Variants in ABCB4 observed in about 807,000 individuals in gnomAD.
The protein encoded by ABCB4 is ATP binding cassette subfamily B member 4.
In ABCB4, 76 loss-of-function variants were observed where a neutral mutation model predicts 145.7. That is an observed-to-expected ratio of 0.52 (90% CI 0.43 to 0.63). The LOEUF is 0.63. Among genes scored for constraint, ABCB4 ranks in the 30% least tolerant of loss-of-function variants. The pLI is 0.00. For synonymous variants in ABCB4, 517 were observed against 566.8 expected, an observed-to-expected ratio of 0.91 and a Z score of 1.25; for missense variants, 1,234 against 1,553.1, an observed-to-expected ratio of 0.79 and a Z score of 3.45.
chr7:87,459,259 T>C (rs1305548314), intron 4 of ABCB4, among the ~76,000 whole-genome samples: 1 of 152,156 alleles, frequency 6.6e-6, no homozygotes, highest in African/African-American at 2.4e-5. Flanking sequence ...CTTTTTCAAC[T>C]TGCAAAATTG....
At chr7:87,424,171 A>T (rs1240960952) in intron 16 of ABCB4, 119 bp from the exon 17 acceptor site, 2 of 1,152,146 alleles carry the variant, frequency 1.7e-6, no homozygotes, top group African/African-American at 3.0e-5. Flanking sequence ...GCAGAGAATG[A>T]CAAGCAAACT....
Position 87,434,574 on chromosome 7 carries a change from C to T in ABCB4, c.1732-3009G>A, listed in dbSNP as rs45438194. Among the ~76,000 whole-genome samples the T allele has an allele frequency of 1.0e-3, 159 of 151,980 alleles. 4 individuals carry two copies. The East Asian group carries it at 0.028, about 27-fold the overall frequency. On this transcript the variant is annotated intron_variant, in intron 14 of 27. Coordinates refer to ENST00000649586, the MANE Select transcript of ABCB4 (RefSeq NM_000443.4). ...ACCATCCTGGCCAACATGGGGAAACCCCATCTCTACTAAAAATACAGAAAT... is the reference window on the plus strand; with the variant it reads ...ACCATCCTGGCCAACATGGGGAAACTCCATCTCTACTAAAAATACAGAAAT...
the ABCB4 span, among the ~76,000 whole-genome samples, chr7:87,385,614 T>C: frequency 6.6e-6 from 1 of 152,214 alleles, no homozygotes; most frequent in Admixed American, 6.5e-5. Flanking sequence ...TTAGATCATG[T>C]CATCTGCAGA....
intron 3 of ABCB4, among the ~76,000 whole-genome samples, chr7:87,469,944 C>G (rs1584797553): frequency 6.6e-6 from 1 of 152,230 alleles, no homozygotes; most frequent in African/African-American, 2.4e-5. Context: ...AAGCTGGAGG[C>G]ATCATGCTAC....
chr7:87,459,118 C>T (rs760475995), intron 4 of ABCB4, among the ~76,000 whole-genome samples: 9 of 152,090 alleles, frequency 5.9e-5, no homozygotes, highest in Non-Finnish European at 8.8e-5. Flanking sequence ...AATTGCATTG[C>T]TTTAATCTGA....
chr7:87,440,872 C>CT (rs1165319358), intron 12 of ABCB4, among the ~76,000 whole-genome samples: 1 of 152,150 alleles, frequency 6.6e-6, no homozygotes, highest in Admixed American at 6.6e-5. Flanking sequence ...TCGAGAGTAG[C>CT]TGGGACTACA....
chr7:87,375,771 CTT>C, the ABCB4 span: 6 of 1,612,158 alleles, frequency 3.7e-6, no homozygotes, highest in Middle Eastern at 1.6e-4. Flanking sequence ...CTAACAAACT[CTT>C]TTGATGTATT....
At chr7:87,416,197 C>A (rs957164993) in intron 21 of ABCB4, among the ~76,000 whole-genome samples, 1 of 152,208 alleles carries the variant, frequency 6.6e-6, no homozygotes, top group Non-Finnish European at 1.5e-5. Flanking sequence ...CATGCAGCGG[C>A]AGCTGATGCT....
chr7:87,454,410 C>A, intron 5 of ABCB4, 125 bp downstream of exon 5: 1 of 783,662 alleles, frequency 1.3e-6, no homozygotes. Context: ...GATTTGGGAG[C>A]AAAAATGATA....
the ABCB4 span, among the ~76,000 whole-genome samples, chr7:87,372,131 A>AT: frequency 6.6e-6 from 1 of 151,454 alleles, no homozygotes; most frequent in African/African-American, 2.4e-5. Flanking sequence ...TATGGTTTAT[A>AT]TGCCATTTAT....
chr7:87,403,395 A>G (rs563179849), intron 26 of ABCB4, 114 bp from the exon 27 acceptor site: 2 of 999,316 alleles, frequency 2.0e-6, no homozygotes, highest in African/African-American at 3.2e-5. Context: ...CGTTGTTTCA[A>G]CTTAACAGAG....
intron 26 of ABCB4, among the ~76,000 whole-genome samples, chr7:87,404,234 A>G (rs1808017486): frequency 6.6e-6 from 1 of 152,190 alleles, no homozygotes; most frequent in South Asian, 2.1e-4. Context: ...AGCAAAAATA[A>G]TTAAGCTCTA....
intron 4 of ABCB4, among the ~76,000 whole-genome samples, chr7:87,456,007 A>G (rs1812078357): frequency 6.6e-6 from 1 of 152,190 alleles, no homozygotes; most frequent in African/African-American, 2.4e-5. Flanking sequence ...AGCTCTTTAT[A>G]AGCTATCAGA....
chr7:87,406,455 A>G lies in ABCB4; in HGVS notation c.3319T>C (p.Trp1107Arg). 1 of 1,614,136 alleles carries G rather than the reference A, an allele frequency of 6.2e-7. No homozygotes were observed. Among genetic ancestry groups the G allele is most frequent in the Non-Finnish European group, 8.5e-7 (1 of 1,180,024 alleles). ...ACGATTCCGAGTTGAGCTCTGAGCC[A>G]CTGGACATTGAGTTTCTTTGCTTCT... is the stretch of plus-strand genomic sequence containing the variant. ...GQEAKKLNVQ[W>R]LRAQLGIVSQ... Residue 1107 changes from tryptophan to arginine, a missense_variant, in exon 26 of 28, where the codon TGG (tryptophan) becomes CGG (arginine). Trp to Arg is a moderately radical substitution (Grantham distance 101, BLOSUM62 -3). Transcript: ENST00000649586.
chr7:87,475,856 G>C (rs1328945612), upstream of ABCB4: 1 of 152,960 alleles, frequency 6.5e-6, no homozygotes, highest in Non-Finnish European at 1.5e-5. Context: ...CGCGGGCCAG[G>C]GGCGCAGCCT....
At chr7:87,416,886 G>C (rs1467573735) in intron 21 of ABCB4, among the ~76,000 whole-genome samples, 1 of 152,228 alleles carries the variant, frequency 6.6e-6, no homozygotes, top group Non-Finnish European at 1.5e-5. Context: ...CTGCCATCTG[G>C]TGGCTGCCAT....
the ABCB4 span, chr7:87,382,603 A>G: frequency 3.3e-6 from 5 of 1,521,606 alleles, no homozygotes; most frequent in South Asian, 1.3e-5. Context: ...ATCTTTTTTT[A>G]TAGCTATTTC....
the ABCB4 span, among the ~76,000 whole-genome samples, chr7:87,378,287 A>G: frequency 2.0e-4 from 29 of 147,322 alleles, no homozygotes; most frequent in African/African-American, 7.0e-4. Flanking sequence ...TTGAGGGTGC[A>G]GTGAACAGTG....
chr7:87,460,239 C>T (rs1327836771), intron 4 of ABCB4, among the ~76,000 whole-genome samples: 1 of 152,110 alleles, frequency 6.6e-6, no homozygotes. Flanking sequence ...TTCAGTGGGT[C>T]CAGATGTGGC....
Sources: allele counts gnomAD v4.1 joint callset (sites outside exome capture counted in the v4.1 genomes callset), GRCh38; gene constraint gnomAD v4.1.1; transcripts MANE v1.5; gene names NCBI Gene and HGNC (gene_info 2026-07-23, HGNC 2026-07-21).